The following NPAT variants were observed in gnomAD, a reference collection of about 807,000 sequenced individuals.
NPAT encodes the protein nuclear protein, coactivator of histone transcription, also known as protein NPAT.
A neutral mutation model predicts 130.7 loss-of-function variants in NPAT; 52 were observed. That is an observed-to-expected ratio of 0.40 (90% confidence interval 0.32 to 0.50). The LOEUF is 0.50. Among genes scored for constraint, NPAT ranks in the 20% least tolerant of loss-of-function variants. NPAT has a pLI of 0.68. For missense variants in NPAT, 1,687 were observed against 1,662.6 expected (o/e 1.01, Z -0.26); for synonymous variants, 580 against 584.8 (o/e 0.99, Z 0.12).
chr11:108,213,940 T>C (rs2078408566), intron 1 of NPAT, among the ~76,000 whole-genome samples: 1 of 152,116 alleles, frequency 6.6e-6, no homozygotes, highest in Admixed American at 6.5e-5. Context: ...CAGGCTGAAG[T>C]AGAGTGGCTC....
rs1191125017 is a variant in NPAT, at chr11:108,188,954, G to A, written c.556+152C>T. ...GCCTTAAAGATTTTATATGCTTATAGCAAATCTAGAAGTCTGTTCCACTTT... is the reference window on the plus strand; with the variant it reads ...GCCTTAAAGATTTTATATGCTTATAACAAATCTAGAAGTCTGTTCCACTTT... On this transcript the variant is annotated intron_variant, in intron 6 of 17. Coordinates refer to ENST00000278612, the MANE Select transcript of NPAT (RefSeq NM_002519.3). The A allele has an allele frequency of 4.4e-6, 3 of 674,846 alleles. No individual in the cohort carries two copies. In the Admixed American group the frequency reaches 7.1e-5, roughly 16 times the overall value. The allele number at this position is 674,846 out of a possible 1,614,324, so 41.8% of individuals were successfully genotyped here.
intron 12 of NPAT, among the ~76,000 whole-genome samples, chr11:108,174,444 A>C (rs1395674692): frequency 6.6e-6 from 1 of 152,102 alleles, no homozygotes; most frequent in Non-Finnish European, 1.5e-5. Context: ...TGGAGAGGTT[A>C]GTCAAGGAAC....
chr11:108,165,924 C>T (rs1489755926), intron 15 of NPAT, among the ~76,000 whole-genome samples: 7 of 126,786 alleles, frequency 5.5e-5, no homozygotes, highest in African/African-American at 1.8e-4. Flanking sequence ...TGAGCCACCA[C>T]GCCCAGCCCA....
Position 108,182,419 on chromosome 11 carries a change from T to C in NPAT, c.906+2813A>G, listed in dbSNP as rs74356264. Among the ~76,000 whole-genome samples, 634 of 152,332 alleles carry C rather than the reference T, an allele frequency of 4.2e-3. 5 individuals are homozygous for C. In the South Asian group the frequency reaches 0.045, roughly 11 times the overall value. ...CAGCTTTCAGAGGGACTTTCAGACG[T>C]CCTGGTGCTACTTCTCGAGCCTTTT... On this transcript the variant is annotated intron_variant, in intron 10 of 17. Transcript: ENST00000278612.
rs746137328 is a variant in NPAT at position 108,159,004 on chromosome 11, T to C, written c.4222A>G (p.Ser1408Gly). ...KKKIKKKKLP[S>G]SFPAGMDVDK... ...ACATCCATTCCTGCTGGAAATGAAC[T>C]GGGAAGCTTCTTTTTCTGTTGAAAA... is the stretch of plus-strand genomic sequence containing the variant. Residue 1408 changes from serine (S) to glycine (G), a missense_variant, in exon 18 of 18, where the codon AGT (serine) becomes GGT (glycine). Ser to Gly is a moderately conservative substitution (Grantham distance 56). Transcript: ENST00000278612. 3 of 1,606,330 alleles carry C rather than the reference T, an allele frequency of 1.9e-6. No individual in the cohort carries two copies. The highest frequency in any genetic ancestry group is 1.7e-5 in the Admixed American group (1 of 59,962).
At position 108,161,551 on chromosome 11, in the gene NPAT, T is replaced by C. The variant is rs1194843656; in HGVS notation, c.3535A>G (p.Lys1179Glu). The change falls in exon 17 of 18, where the codon AAA becomes GAA. Residue 1179 changes from lysine to glutamate, a missense_variant. This residue lies in a region of NPAT where 1,379 missense variants were observed against 1,346.6 expected (regional missense o/e 1.02). Transcript: ENST00000278612. The stretch of plus-strand genomic sequence containing the variant: ...GATAGTTTTGAATTTTCTGGATTTT[T>C]CTGTCTTTCTACATCGCTGCATAAT... ...NELCSDVERQ[K>E]NPENSKLSIG... is the part of the protein sequence containing the mutation. The C allele has an allele frequency of 1.9e-6, 3 of 1,614,220 alleles. No homozygotes were observed. The highest frequency in any genetic ancestry group is 2.5e-6 in the Non-Finnish European group (3 of 1,180,032).
At chr11:108,191,818 TCA>T (rs1212299209) in intron 4 of NPAT, among the ~76,000 whole-genome samples, 1 of 152,352 alleles carries the variant, frequency 6.6e-6, no homozygotes, top group South Asian at 2.1e-4. Context: ...CTAAGGGAAT[TCA>T]CAGTGGCCTG....
At chr11:108,165,645 T>C (rs886644537) in intron 15 of NPAT, among the ~76,000 whole-genome samples, 9 of 149,804 alleles carry the variant, frequency 6.0e-5, no homozygotes, top group Non-Finnish European at 1.0e-4. Flanking sequence ...TTTTTTTTTT[T>C]TTTGAGACGG....
chr11:108,190,049 C>T (rs1272893067), intron 5 of NPAT, among the ~76,000 whole-genome samples: 2 of 151,848 alleles, frequency 1.3e-5, no homozygotes, highest in Admixed American at 6.6e-5. Flanking sequence ...CGGTGGCTCA[C>T]GCCTGTAATC....
At chr11:108,222,392 G>A in intron 1 of NPAT, 108 bp downstream of exon 1, 3 of 1,181,160 alleles carry the variant, frequency 2.5e-6, no homozygotes, top group South Asian at 1.3e-5. Context: ...CGTAAGCTGG[G>A]AGGCAAAACC....
intron 1 of NPAT, among the ~76,000 whole-genome samples, chr11:108,217,125 G>A (rs778028244): frequency 3.9e-5 from 6 of 152,142 alleles, no homozygotes; most frequent in Non-Finnish European, 7.3e-5. Context: ...CCAAAGATGT[G>A]CACGTTGTTA....
intron 17 of NPAT, among the ~76,000 whole-genome samples, chr11:108,159,823 C>T (rs1266213711): frequency 6.7e-6 from 1 of 150,038 alleles, no homozygotes. Flanking sequence ...CCAGCCTGGG[C>T]AACATGGCAA....
In NPAT at chr11:108,192,110, C is replaced by T; in HGVS notation, c.290+8G>A. ...AAAATCATTAGGCACATTCTAATAG[C>T]TTATTACCTGATCTGAGAAAGTGTA... is the stretch of plus-strand genomic sequence containing the variant. On this transcript the variant is annotated splice_region_variant and intron_variant, in intron 4 of 17. Transcript: ENST00000278612. The T allele has an allele frequency of 6.4e-7, 1 of 1,567,858 alleles. No individual in the cohort carries two copies. Among genetic ancestry groups the T allele is most frequent in the Non-Finnish European group, 8.8e-7 (1 of 1,137,826 alleles).
At chr11:108,212,889 T>C (rs898070174) in intron 1 of NPAT, among the ~76,000 whole-genome samples, 2 of 127,030 alleles carry the variant, frequency 1.6e-5, no homozygotes, top group African/African-American at 6.2e-5. Flanking sequence ...GAGGTTGCAA[T>C]GAGCCGAGAT....
intron 1 of NPAT, among the ~76,000 whole-genome samples, chr11:108,216,888 T>G (rs976723046): frequency 6.6e-5 from 10 of 152,232 alleles, no homozygotes; most frequent in Non-Finnish European, 1.5e-4. Context: ...CTGGTTTACT[T>G]TTGTCCCAAA....
chr11:108,208,297 A>C, intron 1 of NPAT: 1 of 330,868 alleles, frequency 3.0e-6, no homozygotes, highest in South Asian at 2.2e-5. Flanking sequence ...ATAATGACAA[A>C]AAAGGTCAAT....
In NPAT at chr11:108,185,301, T is replaced by G; in HGVS notation, c.837A>C (p.Gln279His). 1 of 1,610,736 alleles carries G rather than the reference T, an allele frequency of 6.2e-7. No individual in the cohort carries two copies. Among genetic ancestry groups the G allele is most frequent in the Non-Finnish European group, 8.5e-7 (1 of 1,177,652 alleles). Residue 279 changes from glutamine (Q) to histidine (H), a missense_variant, in exon 10 of 18, where the codon CAA becomes CAC. This residue lies in a region of NPAT where 1,379 missense variants were observed against 1,346.6 expected (regional missense o/e 1.02). Transcript: ENST00000278612. ...KFLTSDNNIAQVPKQTDNNPT... is the reference protein window; with the variant it reads ...KFLTSDNNIAHVPKQTDNNPT... ...GGTTGTTATCTGTTTGCTTAGGTAC[T>G]TGGGCAATATTGTTATCACTGTTAA...
chr11:108,195,094 T>G (rs898880264), intron 2 of NPAT, among the ~76,000 whole-genome samples: 1 of 152,222 alleles, frequency 6.6e-6, no homozygotes, highest in East Asian at 1.9e-4. Flanking sequence ...AGTGCTGGGA[T>G]TACAGGTGTG....
At chr11:108,199,382 G>A (rs758475529) in intron 1 of NPAT, among the ~76,000 whole-genome samples, 6 of 152,318 alleles carry the variant, frequency 3.9e-5, no homozygotes, top group Middle Eastern at 3.4e-3. Flanking sequence ...GGCAGAGAGG[G>A]CCCAGCAATG....
Sources: gnomAD v4.1 joint callset for allele counts (sites outside exome capture counted in the v4.1 genomes callset) on GRCh38, gnomAD v4.1.1 for gene constraint, gnomAD v4.1.1 regional missense constraint, MANE v1.5 for transcripts, NCBI Gene and HGNC (gene_info 2026-07-23, HGNC 2026-07-21) for gene names.